The following GATM variants were observed in gnomAD, a reference collection of about 807,000 sequenced individuals.
The protein encoded by GATM is glycine amidinotransferase.
A neutral mutation model predicts 54.2 loss-of-function variants in GATM; 23 were observed. The ratio of observed to expected loss-of-function variants is 0.42; its 90% CI spans 0.31 to 0.60. The LOEUF is 0.60. Ranked by LOEUF, GATM falls within the 20% of genes least tolerant of loss-of-function variation. The probability of loss-of-function intolerance (pLI) is 0.14; values close to 1 mark genes in which losing one functional copy is unlikely to be tolerated. For missense variants in GATM, 401 were observed against 544.9 expected (o/e 0.74, Z 2.63); for synonymous variants, 168 against 183.1 (o/e 0.92, Z 0.67).
At chr15:45,399,909 C>G (rs1441761208) in intron 1 of GATM, among the ~76,000 whole-genome samples, 2 of 151,996 alleles carry the variant, frequency 1.3e-5, no homozygotes, top group Non-Finnish European at 2.9e-5. Flanking sequence ...AAGAGCCACA[C>G]AACTCCCATT....
upstream of GATM, chr15:45,379,654 A>G (rs1460857392): frequency 6.6e-6 from 1 of 152,306 alleles, no homozygotes. Flanking sequence ...TGAGAGGCCA[A>G]AATGAGAGAT....
intron 3 of GATM, among the ~76,000 whole-genome samples, chr15:45,388,593 T>A (rs1460240787): frequency 6.6e-6 from 1 of 152,238 alleles, no homozygotes; most frequent in Non-Finnish European, 1.5e-5. Context: ...ACTTCGTCAG[T>A]TTTGAGGAAA....
intron 1 of GATM, 57 bp downstream of exon 1, chr15:45,378,328 C>T (rs1395778768): frequency 4.3e-6 from 6 of 1,390,366 alleles, no homozygotes; most frequent in East Asian, 2.8e-5. Context: ...TGCTCCACGC[C>T]GCCCGCAGGA....
At chr15:45,365,852 C>T (rs1889439990) in intron 6 of GATM, among the ~76,000 whole-genome samples, 194 bp downstream of exon 6, 1 of 152,200 alleles carries the variant, frequency 6.6e-6, no homozygotes, top group Non-Finnish European at 1.5e-5. Context: ...ATTGTGTCAA[C>T]TATGTATATT....
chr15:45,369,229 G>A, intron 3 of GATM, 97 bp downstream of exon 3: 1 of 976,974 alleles, frequency 1.0e-6, no homozygotes, highest in Non-Finnish European at 1.6e-6. Context: ...GCAAAGCAAA[G>A]GACTCTCCAA....
Position 45,378,391 on chromosome 15 carries a change from T to C in GATM, c.63A>G (p.Gly21=). The change falls in exon 1 of 9, where the codon GGA becomes GGG. Residue 21 remains glycine (G), a synonymous_variant. Coordinates refer to ENST00000396659, the MANE Select transcript of GATM (RefSeq NM_001482.3). ...AGGCCGGTGGCGCACGCACCCGAGA[T>C]CCGATGTAGTGCACCGCCTCGGCGC... ...SRGAEAVHYI[G]SRLGRTLTGW... is the part of the protein sequence containing the mutation. 6.6e-7 allele frequency: 1 copy of C among 1,518,594 alleles called. No individual in the cohort carries two copies. The highest frequency in any genetic ancestry group is 8.8e-7 in the Non-Finnish European group (1 of 1,139,876). 94.1% of individuals were successfully genotyped at this position (1,518,594 alleles called of 1,614,324 possible).
chr15:45,376,841 T>A, intron 1 of GATM, 22 bp from the exon 2 acceptor site: 1 of 1,597,476 alleles, frequency 6.3e-7, no homozygotes, highest in Non-Finnish European at 8.6e-7. Flanking sequence ...AAAGAAAAGA[T>A]TATTGTATTG....
intron 3 of GATM, among the ~76,000 whole-genome samples, chr15:45,388,919 G>A (rs1398118013): frequency 2.6e-5 from 4 of 152,050 alleles, no homozygotes; most frequent in Non-Finnish European, 5.9e-5. Context: ...TATATTGCTT[G>A]GAATTCTTCT....
intron 3 of GATM, among the ~76,000 whole-genome samples, chr15:45,388,730 A>G (rs569535088): frequency 1.2e-3 from 186 of 152,272 alleles, no homozygotes; most frequent in Non-Finnish European, 2.2e-3. Context: ...GTATCGTATC[A>G]GGTAGTATGT....
At chr15:45,396,421 A>G (rs1248874417) in intron 3 of GATM, among the ~76,000 whole-genome samples, 1 of 152,168 alleles carries the variant, frequency 6.6e-6, no homozygotes, top group Non-Finnish European at 1.5e-5. Context: ...ATTTAGGGAG[A>G]GATTGGAGGG....
At chr15:45,380,923 A>G (rs1216235291), upstream of GATM, among the ~76,000 whole-genome samples, 3 of 151,890 alleles carry the variant, frequency 2.0e-5, no homozygotes, top group East Asian at 1.9e-4. Context: ...TTTATACCAC[A>G]CTTTTATTCA....
At chr15:45,382,529 G>C (rs1889753390), upstream of GATM, among the ~76,000 whole-genome samples, 1 of 151,974 alleles carries the variant, frequency 6.6e-6, no homozygotes, top group Admixed American at 6.6e-5. Flanking sequence ...AGGTGTGTTG[G>C]TGCACACCTG....
intron 3 of GATM, among the ~76,000 whole-genome samples, chr15:45,387,818 G>C (rs905264587): frequency 2.0e-5 from 3 of 152,104 alleles, no homozygotes; most frequent in Admixed American, 1.3e-4. Context: ...ATGGCCCAAG[G>C]CTAAATGATT....
In GATM at chr15:45,376,662, T is replaced by G; in HGVS notation, c.227A>C (p.Glu76Ala). 1 of 1,614,136 alleles carries G rather than the reference T, an allele frequency of 6.2e-7. No individual in the cohort carries two copies. Among genetic ancestry groups the G allele is most frequent in the Non-Finnish European group, 8.5e-7 (1 of 1,180,032 alleles). ...TTCTGCTCTGCCCACTATCACTTCC[T>G]CTAAGGGGTCCCATTCGTTGTAAGA... is the stretch of plus-strand genomic sequence containing the variant. ...VSSYNEWDPL[E>A]EVIVGRAENA... The change falls in exon 2 of 9, where the codon GAG becomes GCG. Residue 76 changes from glutamate (E) to alanine (A), a missense_variant. Around this residue, in one of 3 missense-constraint regions of GATM, gnomAD observed 321 missense variants for 457.5 expected, o/e 0.70. Transcript: ENST00000396659.
At chr15:45,371,452 C>A (rs1889542885) in intron 2 of GATM, among the ~76,000 whole-genome samples, 1 of 152,180 alleles carries the variant, frequency 6.6e-6, no homozygotes, top group South Asian at 2.1e-4. Flanking sequence ...CAGTCTCCAC[C>A]ATAAATCAGA....
At chr15:45,377,604 C>G (rs960860199) in intron 1 of GATM, 2 of 241,960 alleles carry the variant, frequency 8.3e-6, no homozygotes, top group African/African-American at 4.6e-5. Flanking sequence ...CCCCAAATCT[C>G]TATCCTGCTC....
intron 7 of GATM, chr15:45,364,218 G>A (rs1889410452): frequency 1.7e-6 from 1 of 575,140 alleles, no homozygotes; most frequent in Non-Finnish European, 3.1e-6. Context: ...ATTTCACCCT[G>A]TTTTCTTTTA....
At chr15:45,377,086 C>T (rs551605212) in intron 1 of GATM, 46 of 493,852 alleles carry the variant, frequency 9.3e-5, no homozygotes, top group African/African-American at 6.1e-4. Flanking sequence ...TCCCCAGCTA[C>T]CATACACCCC....
At position 45,361,374 on chromosome 15, in the gene GATM, C is replaced by CTG. The variant is rs35410548; in HGVS notation, c.*734_*735insCA. ...CGAAATCCAATTACACTAAACATTCCTAAATTTTTGGAAAGAGAGAAAAAG... is the reference window on the plus strand; with the variant it reads ...CGAAATCCAATTACACTAAACATTCCTGTAAATTTTTGGAAAGAGAGAAAAAG... On this transcript the variant is annotated 3_prime_UTR_variant, in exon 9 of 9. Transcript: ENST00000396659. 0.56 allele frequency: 84,897 copies of CTG among 151,642 alleles called. 27,213 individuals carry two copies. Among genetic ancestry groups the CTG allele is most frequent in the East Asian group, 0.91 (4,695 of 5,168 alleles). 9.4% of individuals were successfully genotyped at this position (151,642 alleles called of 1,614,324 possible).
Sources: allele counts gnomAD v4.1 joint callset (sites outside exome capture counted in the v4.1 genomes callset), GRCh38; gene constraint gnomAD v4.1.1; regional missense constraint gnomAD v4.1.1; transcripts MANE v1.5; gene names NCBI Gene and HGNC (gene_info 2026-07-23, HGNC 2026-07-21).